The following C14orf39 variants were observed in gnomAD, a reference collection of about 807,000 sequenced individuals.
C14orf39 encodes chromosome 14 open reading frame 39, also known as protein SIX6OS1.
Under a neutral mutation model 85.6 loss-of-function variants are expected in C14orf39, and 66 were observed. That is an observed-to-expected ratio of 0.77 (90% CI 0.63 to 0.95). The LOEUF (loss-of-function observed/expected upper bound fraction) is 0.95. C14orf39 is among the 40% of genes least tolerant of loss of function. The pLI is 0.00. For missense variants in C14orf39, 735 were observed against 663.9 expected, an observed-to-expected ratio of 1.11 and a Z score of -1.18; for synonymous variants, 242 against 214.0, an observed-to-expected ratio of 1.13 and a Z score of -1.14.
chr14:60,467,846 G>A (rs1211200813), intron 9 of C14orf39, among the ~76,000 whole-genome samples: 2 of 151,598 alleles, frequency 1.3e-5, no homozygotes, highest in Non-Finnish European at 3.0e-5. Flanking sequence ...AATGAAAAAG[G>A]ATATAAGTAG....
intron 1 of C14orf39, among the ~76,000 whole-genome samples, chr14:60,500,247 G>C (rs537349691): frequency 2.0e-5 from 3 of 152,094 alleles, no homozygotes; most frequent in African/African-American, 7.2e-5. Flanking sequence ...GGCTGGTCTC[G>C]AACTCCCGAC....
At chr14:60,471,518 C>T (rs770369541) in intron 6 of C14orf39, 34 bp downstream of exon 6, 12 of 1,567,792 alleles carry the variant, frequency 7.7e-6, no homozygotes, top group Non-Finnish European at 9.5e-6. Flanking sequence ...ACAAAGATAT[C>T]ATAATTAAAA....
chr14:60,473,040 A>G (rs1892180736), intron 5 of C14orf39, among the ~76,000 whole-genome samples: 1 of 152,018 alleles, frequency 6.6e-6, no homozygotes, highest in Non-Finnish European at 1.5e-5. Context: ...AAGTGTTCCT[A>G]TTTCCCCACA....
At chr14:60,513,530 C>T (rs1429150085) in intron 1 of C14orf39, among the ~76,000 whole-genome samples, 1 of 152,222 alleles carries the variant, frequency 6.6e-6, no homozygotes, top group Non-Finnish European at 1.5e-5. Flanking sequence ...GATATCCACT[C>T]TTGTTCCCCA....
At chr14:60,482,969 T>C (rs985312184) in intron 4 of C14orf39, among the ~76,000 whole-genome samples, 3 of 151,856 alleles carry the variant, frequency 2.0e-5, no homozygotes, top group Non-Finnish European at 2.9e-5. Flanking sequence ...TCATTACCTA[T>C]GCAGAGGATG....
intron 14 of C14orf39, among the ~76,000 whole-genome samples, 196 bp from the exon 15 acceptor site, chr14:60,457,291 A>G (rs12147690): frequency 0.83 from 125,309 of 151,776 alleles, 53,214 homozygotes; most frequent in Non-Finnish European, 0.92. Context: ...ATATTTATCC[A>G]ATTTTTTCTT....
intron 1 of C14orf39, among the ~76,000 whole-genome samples, chr14:60,502,765 C>G (rs1014331643): frequency 1.3e-5 from 2 of 152,210 alleles, no homozygotes; most frequent in African/African-American, 4.8e-5. Flanking sequence ...GCTTAAGCAG[C>G]CTCCTCTCTG....
intron 16 of C14orf39, 125 bp from the exon 17 acceptor site, chr14:60,442,256 T>C (rs1468719781): frequency 1.8e-6 from 1 of 545,134 alleles, no homozygotes; most frequent in African/African-American, 1.9e-5. Context: ...ATGGTACCTT[T>C]ATATAGCACA....
chr14:60,436,859 A>G lies in C14orf39; in HGVS notation c.1750T>C (p.Phe584Leu). ...FSSSSQNTTQ[F>L]TFF is the part of the protein sequence containing the mutation. ...TAATGACTAGCTCAAAAAAAAGTAA[A>G]CTGTGTTGTATTTTGTGAGGAAGAT... Residue 584 changes from phenylalanine to leucine, a missense_variant, in exon 18 of 18, where the codon TTT (phenylalanine) becomes CTT (leucine). Physicochemically the swap from Phe to Leu is conservative, Grantham distance 22. Coordinates refer to ENST00000321731, the MANE Select transcript of C14orf39 (RefSeq NM_174978.3). 4.4e-6 allele frequency: 7 copies of G among 1,605,778 alleles called. No homozygotes were observed. The highest frequency in any genetic ancestry group is 6.0e-6 in the Non-Finnish European group (7 of 1,174,994).
In C14orf39 at chr14:60,491,802, TTCTC is replaced by T. The variant is rs936420561; in HGVS notation, c.-8-6720_-8-6717del. Among the ~76,000 whole-genome samples the T allele has an allele frequency of 6.6e-6, 1 of 151,954 alleles. No homozygotes were observed. Among genetic ancestry groups the T allele is most frequent in the Admixed American group, 6.6e-5 (1 of 15,242 alleles). On this transcript the variant is annotated intron_variant, in intron 2 of 5. Coordinates refer to the C14orf39 transcript ENST00000556799. This position sits in a 1 kb window ranked among gnomAD's most constrained non-coding sequence, Gnocchi z 4.5. ...ACAGAGCAATTCTTAAATGTAAATA[TTCTC>T]TCTCTCTTTTTCTCTCTCTCTCTCT...
chr14:60,481,793 T>C (rs940784041), intron 4 of C14orf39, among the ~76,000 whole-genome samples: 2 of 152,230 alleles, frequency 1.3e-5, no homozygotes, highest in African/African-American at 4.8e-5. Flanking sequence ...TTTGCTCATT[T>C]TTCTAATAGG....
At chr14:60,492,650 G>A (rs559719591) in intron 2 of C14orf39, among the ~76,000 whole-genome samples, 4 of 152,016 alleles carry the variant, frequency 2.6e-5, no homozygotes, top group South Asian at 2.1e-4. Flanking sequence ...GTGTGTGCTG[G>A]TATGTGCCTG....
chr14:60,447,843 G>A (rs546267714), intron 16 of C14orf39, among the ~76,000 whole-genome samples: 1 of 152,228 alleles, frequency 6.6e-6, no homozygotes, highest in South Asian at 2.1e-4. Context: ...TACCAAAACA[G>A]ACATATAGAC....
intron 1 of C14orf39, chr14:60,509,145 C>G (rs1222537427): frequency 1.8e-6 from 1 of 545,868 alleles, no homozygotes; most frequent in Admixed American, 3.2e-5. Context: ...CCGCCCACCC[C>G]AATAGCGGAG....
chr14:60,498,843 T>A (rs1483715460), intron 2 of C14orf39, among the ~76,000 whole-genome samples: 1 of 152,220 alleles, frequency 6.6e-6, no homozygotes, highest in Non-Finnish European at 1.5e-5. Flanking sequence ...AGTCTATTTA[T>A]GTAATACAAT....
In C14orf39 at chr14:60,482,994, G is replaced by A. The variant is rs549029686; in HGVS notation, c.233+697C>T. Among the ~76,000 whole-genome samples the A allele has an allele frequency of 8.6e-5, 13 of 151,884 alleles. 1 individual carries two copies. The South Asian group carries it at 1.7e-3, about 19-fold the overall frequency. On this transcript the variant is annotated intron_variant, in intron 4 of 17. Transcript: ENST00000321731. ...TGCAGAGGATGACAGGGTAGGGGAC[G>A]GGAACTGCAAGCAGGGAAAAACTAT... is the stretch of plus-strand genomic sequence containing the variant.
At chr14:60,505,629 TGCAGCA>T (rs1267060544) in intron 1 of C14orf39, among the ~76,000 whole-genome samples, 2 of 152,174 alleles carry the variant, frequency 1.3e-5, no homozygotes. Context: ...GACTCTCAGA[TGCAGCA>T]CAAATGTCTT....
intron 14 of C14orf39, among the ~76,000 whole-genome samples, chr14:60,457,753 T>C (rs995648391): frequency 3.3e-5 from 5 of 151,986 alleles, no homozygotes; most frequent in African/African-American, 1.2e-4. Flanking sequence ...TTTTAACCTT[T>C]AATAGTTAGA....
At chr14:60,442,971 A>G (rs1254325) in intron 16 of C14orf39, among the ~76,000 whole-genome samples, 29,715 of 152,060 alleles carry the variant, frequency 0.2, 4,710 homozygotes, top group African/African-American at 0.43. Flanking sequence ...AACTATTTGC[A>G]ATCTTATTGC....
Sources: allele counts gnomAD v4.1 joint callset (sites outside exome capture counted in the v4.1 genomes callset), GRCh38; gene constraint gnomAD v4.1.1; non-coding constraint Gnocchi (gnomAD v3.1); transcripts MANE v1.5; gene names NCBI Gene and HGNC (gene_info 2026-07-23, HGNC 2026-07-21).